Variants in CDYL observed in about 807,000 individuals in gnomAD.
CDYL encodes chromodomain Y like.
Under a neutral mutation model 47.3 loss-of-function variants are expected in CDYL, and 8 were observed. The observed-to-expected ratio is 0.17, with a 90% CI of 0.10 to 0.31. CDYL has a LOEUF of 0.31. Ranked by LOEUF, CDYL falls within the 10% of genes least tolerant of loss-of-function variation. The pLI is 1.00. For synonymous variants in CDYL, 266 were observed against 265.0 expected, an observed-to-expected ratio of 1.00 and a Z score of -0.04; for missense variants, 471 against 701.4, an observed-to-expected ratio of 0.67 and a Z score of 3.71.
intron 1 of CDYL, among the ~76,000 whole-genome samples, chr6:4,824,394 T>G (rs1012904409): frequency 3.3e-5 from 5 of 152,268 alleles, no homozygotes; most frequent in African/African-American, 1.2e-4. Flanking sequence ...GCAGCACTTA[T>G]TTTCCATTTT....
chr6:4,782,420 C>G (rs1024703514), intron 1 of CDYL, among the ~76,000 whole-genome samples: 7 of 152,158 alleles, frequency 4.6e-5, no homozygotes, highest in Non-Finnish European at 8.8e-5. Flanking sequence ...CGAGGTTCCT[C>G]CTCCCCTAAG....
At chr6:4,859,191 G>C (rs1377128480) in intron 1 of CDYL, among the ~76,000 whole-genome samples, 1 of 152,170 alleles carries the variant, frequency 6.6e-6, no homozygotes, top group African/African-American at 2.4e-5. Context: ...TTTTCAGTGA[G>C]TCACACAGCA....
At chr6:4,721,235 C>T (rs1358468363) in intron 2 of CDYL, among the ~76,000 whole-genome samples, 1 of 152,156 alleles carries the variant, frequency 6.6e-6, no homozygotes, top group Non-Finnish European at 1.5e-5. Flanking sequence ...CCTTATTTTT[C>T]ACTATGCAGC....
At chr6:4,919,464 T>G (rs1469019853) in intron 2 of CDYL, among the ~76,000 whole-genome samples, 1 of 152,232 alleles carries the variant, frequency 6.6e-6, no homozygotes, top group African/African-American at 2.4e-5. Context: ...ATTTCACATT[T>G]GTCAGATTTT....
intron 1 of CDYL, among the ~76,000 whole-genome samples, chr6:4,877,273 T>C (rs1022803926): frequency 2.0e-5 from 3 of 152,248 alleles, no homozygotes; most frequent in African/African-American, 7.2e-5. Flanking sequence ...TTCTTATTTA[T>C]TCTGTCCTCA....
chr6:4,720,852 C>A (rs1757355395), intron 2 of CDYL, among the ~76,000 whole-genome samples: 1 of 152,178 alleles, frequency 6.6e-6, no homozygotes, highest in Non-Finnish European at 1.5e-5. Context: ...ATTTCCTTCT[C>A]CTAGGTAGCC....
rs1561729531 is a variant in CDYL at position 4,954,044 on chromosome 6, C to T, written c.1623C>T (p.Ile541=). 12 of 1,613,654 alleles carry T rather than the reference C, an allele frequency of 7.4e-6. No individual in the cohort carries two copies. Among genetic ancestry groups the T allele is most frequent in the African/African-American group, 1.3e-5 (1 of 74,890 alleles). The change falls in exon 7 of 7, where the codon ATC becomes ATT. Residue 541 remains isoleucine, a synonymous_variant. Transcript: ENST00000397588. ...DSMLKYLQRK[I]DEF ...TGTTAAAGTACTTGCAGAGGAAGAT[C>T]GATGAGTTCTGAGTGTCGGGCTGCC...
At chr6:4,856,890 C>T (rs1460172873) in intron 1 of CDYL, among the ~76,000 whole-genome samples, 4 of 152,184 alleles carry the variant, frequency 2.6e-5, no homozygotes, top group African/African-American at 9.7e-5. Context: ...GAAACTCTAA[C>T]CTGACCTGGT....
At chr6:4,812,043 C>T (rs1052883206) in intron 1 of CDYL, among the ~76,000 whole-genome samples, 3 of 152,178 alleles carry the variant, frequency 2.0e-5, no homozygotes, top group African/African-American at 7.2e-5. Flanking sequence ...GACTCTGAGG[C>T]ACCGCCCCAA....
intron 1 of CDYL, among the ~76,000 whole-genome samples, chr6:4,884,935 A>AGTTACCC (rs1376465265): frequency 6.6e-6 from 1 of 152,196 alleles, no homozygotes; most frequent in Non-Finnish European, 1.5e-5. Flanking sequence ...CCACAGTTTC[A>AGTTACCC]GTTACCCGTG....
At chr6:4,715,562 A>G (rs924527130) in intron 1 of CDYL, among the ~76,000 whole-genome samples, 1 of 152,196 alleles carries the variant, frequency 6.6e-6, no homozygotes, top group African/African-American at 2.4e-5. Flanking sequence ...ATCATTTTAA[A>G]TGTGTTGCTA....
intron 1 of CDYL, among the ~76,000 whole-genome samples, chr6:4,874,202 T>C (rs1761554477): frequency 6.6e-6 from 1 of 152,170 alleles, no homozygotes; most frequent in Non-Finnish European, 1.5e-5. Context: ...TTTTTTTTCA[T>C]GAATTGCTTA....
At chr6:4,952,529 TC>T (rs1758739559) in intron 6 of CDYL, 120 bp downstream of exon 6, 9 of 1,078,904 alleles carry the variant, frequency 8.3e-6, no homozygotes, top group South Asian at 1.8e-5. Flanking sequence ...CAGAGCACCT[TC>T]CCGTGAAGTC....
At chr6:4,899,546 T>G (rs1462408298) in intron 2 of CDYL, among the ~76,000 whole-genome samples, 1 of 152,198 alleles carries the variant, frequency 6.6e-6, no homozygotes, top group Non-Finnish European at 1.5e-5. Flanking sequence ...AGACAAAGGC[T>G]GTTTAGTAAG....
intron 2 of CDYL, among the ~76,000 whole-genome samples, chr6:4,903,646 A>G (rs1757138105): frequency 1.3e-5 from 2 of 152,158 alleles, no homozygotes; most frequent in African/African-American, 2.4e-5. Flanking sequence ...CTCTGGCCCC[A>G]GTGGAGCCCC....
At chr6:4,773,529 G>A (rs1291837639), upstream of CDYL, among the ~76,000 whole-genome samples, 1 of 152,150 alleles carries the variant, frequency 6.6e-6, no homozygotes, top group South Asian at 2.1e-4. The surrounding 1 kb of genome is among the most constrained non-coding windows in gnomAD (Gnocchi z 4.6). Flanking sequence ...ACGGAGGAAA[G>A]CAAAGTTTGC....
chr6:4,923,900 C>CAAAA (rs56004373), intron 2 of CDYL, among the ~76,000 whole-genome samples: 2 of 99,076 alleles, frequency 2.0e-5, no homozygotes, highest in African/African-American at 7.3e-5. Context: ...GACTCCGTCT[C>CAAAA]AAAAAAAAAA....
At chr6:4,775,532 T>C (rs179822), upstream of CDYL, 148,186 of 152,404 alleles carry the variant, frequency 0.97, 72,064 homozygotes, top group East Asian at 1. The surrounding 1 kb of genome is among the most constrained non-coding windows in gnomAD (Gnocchi z 7.0). Flanking sequence ...ACTCGGTCCC[T>C]TCCCAGCTGC....
chr6:4,900,013 G>A (rs146193478), intron 2 of CDYL, among the ~76,000 whole-genome samples: 5 of 152,264 alleles, frequency 3.3e-5, no homozygotes, highest in African/African-American at 9.6e-5. Context: ...CACACATCCT[G>A]TTGTAAACAG....
Sources: allele counts gnomAD v4.1 joint callset (sites outside exome capture counted in the v4.1 genomes callset), GRCh38; gene constraint gnomAD v4.1.1; non-coding constraint Gnocchi (gnomAD v3.1); transcripts MANE v1.5; gene names NCBI Gene and HGNC (gene_info 2026-07-23, HGNC 2026-07-21).